AREL1: variants seen among roughly 807,000 people sequenced by gnomAD.
AREL1 encodes the protein apoptosis-resistant E3 ubiquitin protein ligase 1.
In AREL1, 62 loss-of-function variants were observed where a neutral mutation model predicts 99.0. The ratio of observed to expected loss-of-function variants is 0.63; its 90% CI spans 0.51 to 0.77. The LOEUF (loss-of-function observed/expected upper bound fraction) is 0.77. AREL1 is among the 30% of genes least tolerant of loss of function. The pLI is 0.00. For missense variants in AREL1, 879 were observed against 1,027.6 expected, an observed-to-expected ratio of 0.86 and a Z score of 1.98; for synonymous variants, 380 against 376.5, an observed-to-expected ratio of 1.01 and a Z score of -0.11.
intron 8 of AREL1, 50 bp downstream of exon 8, chr14:74,675,649 A>G: frequency 6.3e-7 from 1 of 1,587,002 alleles, no homozygotes; most frequent in Non-Finnish European, 8.6e-7. Context: ...AATACCAATT[A>G]CACACAGGTT....
chr14:74,703,249 A>C (rs2090117123), intron 1 of AREL1, among the ~76,000 whole-genome samples: 1 of 152,230 alleles, frequency 6.6e-6, no homozygotes, highest in African/African-American at 2.4e-5. Flanking sequence ...GTCAGAAGGC[A>C]AAAGGCATGT....
At position 74,684,684 on chromosome 14, in the gene AREL1, T is replaced by C. The variant is rs764116010; in HGVS notation, c.17-4A>G. On this transcript the variant is annotated splice_polypyrimidine_tract_variant and splice_region_variant and intron_variant, in intron 3 of 19. Transcript: ENST00000356357. The stretch of plus-strand genomic sequence containing the variant: ...ACCACAGACACTGTGATTCCACCTA[T>C]GCAAAAGAGAGAACACACAAACCGC... 1 of 1,613,650 alleles carries C rather than the reference T, an allele frequency of 6.2e-7. No individual in the cohort carries two copies. The highest frequency in any genetic ancestry group is 1.7e-5 in the Admixed American group (1 of 60,012).
rs74932001 is a variant in AREL1, at chr14:74,661,576, C to T, written c.*2144G>A. The T allele has an allele frequency of 6.2e-3, 1,330 of 213,204 alleles. 21 individuals are homozygous for T. Among genetic ancestry groups the T allele is most frequent in the East Asian group, 0.024 (164 of 6,950 alleles). The allele number at this position is 213,204 out of a possible 1,614,324, so 13.2% of individuals were successfully genotyped here. On this transcript the variant is annotated 3_prime_UTR_variant, in exon 20 of 20. Coordinates refer to ENST00000356357, the MANE Select transcript of AREL1 (RefSeq NM_001039479.2). ...CTCTTTGACATATTGTACCTTTTCC[C>T]CACACTGGCTAGTATGAAAGCAGGA...
intron 4 of AREL1, among the ~76,000 whole-genome samples, chr14:74,683,934 G>C (rs954489157): frequency 3.3e-5 from 5 of 152,194 alleles, no homozygotes; most frequent in African/African-American, 1.2e-4. Context: ...AGCGTTACCA[G>C]ACAAAGGTAG....
chr14:74,676,562 T>C, intron 6 of AREL1, 21 bp downstream of exon 6: 1 of 1,607,646 alleles, frequency 6.2e-7, no homozygotes, highest in African/African-American at 1.3e-5. Flanking sequence ...AGCACACAGA[T>C]AAAGAAGGGA....
chr14:74,679,268 T>A (rs2089571956), intron 5 of AREL1, among the ~76,000 whole-genome samples: 1 of 151,634 alleles, frequency 6.6e-6, no homozygotes, highest in African/African-American at 2.4e-5. Flanking sequence ...ACAAAAAATA[T>A]AAAAATTAGC....
intron 2 of AREL1, among the ~76,000 whole-genome samples, chr14:74,689,985 T>G (rs1375673932): frequency 6.6e-6 from 1 of 151,858 alleles, no homozygotes; most frequent in Non-Finnish European, 1.5e-5. Flanking sequence ...TGGTGGCTCA[T>G]GTCTGTAACC....
Position 74,670,797 on chromosome 14 carries a change from G to C in AREL1, c.1573C>G (p.Leu525Val). 1 of 1,614,136 alleles carries C rather than the reference G, an allele frequency of 6.2e-7. No homozygotes were observed. The highest frequency in any genetic ancestry group is 8.5e-7 in the Non-Finnish European group (1 of 1,180,000). The stretch of plus-strand genomic sequence containing the variant: ...TTGTTGTCACTGAACCGGGTGAAGA[G>C]CTGATTGGTGGTATCAAATAGTGCT... The part of the protein sequence containing the change: ...CKALFDTTNQ[L>V]FTRFSDNNQA... The change falls in exon 13 of 20, where the codon CTC becomes GTC. Residue 525 changes from leucine to valine, a missense_variant. Transcript: ENST00000356357.
intron 1 of AREL1, among the ~76,000 whole-genome samples, chr14:74,712,494 A>G (rs2090331302): frequency 6.6e-6 from 1 of 152,192 alleles, no homozygotes; most frequent in Non-Finnish European, 1.5e-5. Context: ...TTGTTCTCAC[A>G]AATTCTCCCT....
chr14:74,676,110 A>G, intron 7 of AREL1, 31 bp downstream of exon 7: 1 of 1,598,130 alleles, frequency 6.3e-7, no homozygotes, highest in Non-Finnish European at 8.5e-7. Flanking sequence ...GCTGAAGAAC[A>G]GCACTAAATC....
At chr14:74,703,948 C>T (rs2090131580) in intron 1 of AREL1, among the ~76,000 whole-genome samples, 2 of 152,176 alleles carry the variant, frequency 1.3e-5, no homozygotes, top group African/African-American at 4.8e-5. Flanking sequence ...CTTTGCATTT[C>T]CACCAGCAAT....
intron 11 of AREL1, 76 bp from the exon 12 acceptor site, chr14:74,671,559 C>T: frequency 2.1e-6 from 2 of 974,606 alleles, no homozygotes; most frequent in Non-Finnish European, 3.1e-6. Flanking sequence ...AACACAAGAG[C>T]ACTGCCATTG....
chr14:74,677,651 C>T (rs1410439121), intron 5 of AREL1, among the ~76,000 whole-genome samples: 2 of 151,376 alleles, frequency 1.3e-5, no homozygotes, highest in Admixed American at 6.6e-5. Flanking sequence ...TACAGGCACC[C>T]GCCACTACAC....
intron 2 of AREL1, among the ~76,000 whole-genome samples, chr14:74,687,996 G>T: frequency 6.9e-6 from 1 of 144,210 alleles, no homozygotes. Context: ...AAAATAATTC[G>T]TCCAACAAAT....
At chr14:74,671,355 GTGC>G in intron 12 of AREL1, 50 bp downstream of exon 12, 2 of 397,926 alleles carry the variant, frequency 5.0e-6, no homozygotes, top group South Asian at 3.5e-5. Flanking sequence ...TGTGGAGAAG[GTGC>G]GAGTGGGGAG....
At chr14:74,685,354 C>T (rs2089724151) in intron 3 of AREL1, among the ~76,000 whole-genome samples, 4 of 152,148 alleles carry the variant, frequency 2.6e-5, no homozygotes, top group Non-Finnish European at 5.9e-5. Context: ...AATGCCTACT[C>T]CTTGAAGGCA....
At position 74,672,848 on chromosome 14, in the gene AREL1, G is replaced by C. The variant is rs763048750; in HGVS notation, c.1405C>G (p.His469Asp). ...HSKVTLKVSR[H>D]ALLESSLKAT... is the part of the protein sequence containing the mutation. The stretch of plus-strand genomic sequence containing the variant: ...TTACCTACCGATTCCAACAAGGCAT[G>C]TCTGCTGACCTTCAGGGTGACTTTG... Residue 469 changes from histidine (H) to aspartate (D), a missense_variant, in exon 11 of 20, where the codon CAT becomes GAT. By Grantham distance (81) the His-to-Asp change is moderately conservative (BLOSUM62 -1). Transcript: ENST00000356357. 290 of 1,614,204 alleles carry C rather than the reference G, an allele frequency of 1.8e-4. 4 individuals carry two copies. In the Middle Eastern group the frequency reaches 6.1e-3, roughly 34 times the overall value.
At chr14:74,683,274 A>C (rs764547162) in intron 5 of AREL1, 22 bp downstream of exon 5, 1 of 1,557,904 alleles carries the variant, frequency 6.4e-7, no homozygotes, top group Non-Finnish European at 8.8e-7. Context: ...CAAAGGGAAA[A>C]AGAAAGGAAA....
intron 5 of AREL1, 108 bp from the exon 6 acceptor site, chr14:74,676,860 A>T (rs978334744): frequency 2.2e-6 from 2 of 897,272 alleles, no homozygotes; most frequent in Non-Finnish European, 3.0e-6. Flanking sequence ...GCAGTGGCGC[A>T]ATCTCGGCTC....
Sources: allele counts gnomAD v4.1 joint callset (sites outside exome capture counted in the v4.1 genomes callset), GRCh38; gene constraint gnomAD v4.1.1; transcripts MANE v1.5; gene names NCBI Gene and HGNC (gene_info 2026-07-23, HGNC 2026-07-21).